Variants in OSBPL6 observed in about 807,000 individuals in gnomAD.
OSBPL6 encodes oxysterol binding protein like 6.
Under a neutral mutation model 125.8 loss-of-function variants are expected in OSBPL6, and 49 were observed. That is an observed-to-expected ratio of 0.39 (90% CI 0.31 to 0.49). The LOEUF (loss-of-function observed/expected upper bound fraction) is 0.49. OSBPL6 is among the 20% of genes least tolerant of loss of function. OSBPL6 has a pLI of 0.88. For missense variants in OSBPL6, 986 were observed against 1,135.4 expected (o/e 0.87, Z 1.89); for synonymous variants, 394 against 391.8 (o/e 1.01, Z -0.07).
rs750469168 is a variant in OSBPL6 at position 178,320,404 on chromosome 2, T to C, written c.103-3773T>C. On this transcript the variant is annotated intron_variant, in intron 3 of 24. Transcript: ENST00000190611. ...CTGATCAGGGGAAACAGAGGGCGGGTAAGTACTTCCACCTTCTCTGTGTGT... is the reference window on the plus strand; with the variant it reads ...CTGATCAGGGGAAACAGAGGGCGGGCAAGTACTTCCACCTTCTCTGTGTGT... 5 of 1,612,968 alleles carry C rather than the reference T, an allele frequency of 3.1e-6. No homozygotes were observed. The South Asian group carries it at 3.3e-5, about 11-fold the overall frequency.
At chr2:178,379,647 A>G (rs1322138669) in intron 15 of OSBPL6, among the ~76,000 whole-genome samples, 2 of 152,144 alleles carry the variant, frequency 1.3e-5, no homozygotes, top group Non-Finnish European at 2.9e-5. Flanking sequence ...ATTGTGTATG[A>G]TTAGATTTTT....
At chr2:178,383,425 G>A in intron 17 of OSBPL6, 148 bp downstream of exon 17, 2 of 1,259,220 alleles carry the variant, frequency 1.6e-6, no homozygotes, top group African/African-American at 3.0e-5. Flanking sequence ...CATAAATCCG[G>A]CAAGGCCAAA....
intron 2 of OSBPL6, among the ~76,000 whole-genome samples, chr2:178,294,626 C>T (rs192138242): frequency 1.5e-4 from 23 of 151,832 alleles, no homozygotes; most frequent in Non-Finnish European, 1.2e-4. Flanking sequence ...TTTAGTATAG[C>T]TGTTCCTCAA....
At chr2:178,341,766 G>A (rs956971534) in intron 11 of OSBPL6, among the ~76,000 whole-genome samples, 5 of 152,102 alleles carry the variant, frequency 3.3e-5, no homozygotes, top group Admixed American at 6.6e-5. Flanking sequence ...TAAAACAAAA[G>A]GTATTTTAAG....
intron 3 of OSBPL6, 43 bp downstream of exon 3, chr2:178,306,329 T>C: frequency 8.5e-7 from 1 of 1,171,630 alleles, no homozygotes; most frequent in East Asian, 2.3e-5. Flanking sequence ...TTTATGCAAA[T>C]GCAATACCAC....
rs575188414 is a variant in OSBPL6 at position 178,243,008 on chromosome 2, C to A, written c.-350-41919C>A. Among the ~76,000 whole-genome samples the A allele has an allele frequency of 2.9e-3, 438 of 151,776 alleles. 2 individuals are homozygous for A. The highest frequency in any genetic ancestry group is 0.014 in the Middle Eastern group (4 of 288). ...AAATTATATATTTCATATAGTAGCA[C>A]ATTTTTATAAATATATCATTTATAA... On this transcript the variant is annotated intron_variant, in intron 1 of 24. Coordinates refer to ENST00000190611, the MANE Select transcript of OSBPL6 (RefSeq NM_032523.4).
intron 3 of OSBPL6, among the ~76,000 whole-genome samples, chr2:178,310,497 A>C (rs1029661624): frequency 7.2e-6 from 1 of 138,956 alleles, no homozygotes; most frequent in Admixed American, 8.2e-5. Context: ...GGCTCACTGC[A>C]AGCTCTGCCT....
chr2:178,206,645 C>G (rs1346356816), intron 1 of OSBPL6, among the ~76,000 whole-genome samples: 1 of 152,038 alleles, frequency 6.6e-6, no homozygotes, highest in Non-Finnish European at 1.5e-5. Context: ...GATGGAGTCT[C>G]GCTCTGTTGC....
intron 1 of OSBPL6, among the ~76,000 whole-genome samples, chr2:178,215,777 C>G (rs2090069035): frequency 6.6e-6 from 1 of 152,012 alleles, no homozygotes; most frequent in East Asian, 1.9e-4. Context: ...AGAGTTTTGT[C>G]AACTGAGGAG....
At chr2:178,364,286 G>T (rs899577539) in intron 13 of OSBPL6, among the ~76,000 whole-genome samples, 3 of 152,210 alleles carry the variant, frequency 2.0e-5, no homozygotes, top group Admixed American at 1.3e-4. Context: ...AATTTTAACT[G>T]GTAAATGATA....
In OSBPL6 at chr2:178,398,596, C is replaced by A. The variant is rs1441614305; in HGVS notation, c.*3037C>A. ...CATGGATTATTTTTAAAATACCTAC[C>A]CCATAATTTTCAGGCAATTGTAAAA... On this transcript the variant is annotated 3_prime_UTR_variant, in exon 25 of 25. Transcript: ENST00000190611. 1 of 151,922 alleles carries A rather than the reference C, an allele frequency of 6.6e-6. No homozygotes were observed. Among genetic ancestry groups the A allele is most frequent in the Non-Finnish European group, 1.5e-5 (1 of 67,996 alleles). 9.4% of individuals were successfully genotyped at this position (151,922 alleles called of 1,614,324 possible).
At chr2:178,195,317 A>G (rs1327794171) in intron 1 of OSBPL6, among the ~76,000 whole-genome samples, 1 of 152,210 alleles carries the variant, frequency 6.6e-6, no homozygotes, top group Non-Finnish European at 1.5e-5. Context: ...GGCCAGGGCC[A>G]AGTCTGCCTT....
chr2:178,289,296 G>GT (rs939480243), intron 2 of OSBPL6, among the ~76,000 whole-genome samples: 13 of 152,112 alleles, frequency 8.5e-5, no homozygotes, highest in African/African-American at 2.9e-4. Context: ...GATTACAGGC[G>GT]TGAGCTACTG....
In OSBPL6 at chr2:178,388,989, A is replaced by C. The variant is rs368947663; in HGVS notation, c.2157-20A>C. On this transcript the variant is annotated intron_variant, in intron 20 of 24. Coordinates refer to ENST00000190611, the MANE Select transcript of OSBPL6 (RefSeq NM_032523.4). ...TTTGTGACCTTGGTTGTTTTTCATC[A>C]GTGTTACATTCTTCACTAGGTATGG... 2 of 1,607,088 alleles carry C rather than the reference A, an allele frequency of 1.2e-6. No homozygotes were observed. Among genetic ancestry groups the C allele is most frequent in the South Asian group, 1.1e-5 (1 of 89,610 alleles).
chr2:178,207,303 TTCC>T (rs2153947915), intron 1 of OSBPL6, among the ~76,000 whole-genome samples: 1 of 152,336 alleles, frequency 6.6e-6, no homozygotes, highest in East Asian at 1.9e-4. Context: ...TACATCCCTT[TTCC>T]TCTGTGTGTG....
chr2:178,348,568 G>C (rs1452184702), intron 11 of OSBPL6, among the ~76,000 whole-genome samples: 1 of 152,148 alleles, frequency 6.6e-6, no homozygotes, highest in East Asian at 1.9e-4. Flanking sequence ...CTGCTTCTCA[G>C]TATTGGCTGG....
At chr2:178,197,063 C>T (rs2088943973) in intron 1 of OSBPL6, among the ~76,000 whole-genome samples, 1 of 146,792 alleles carries the variant, frequency 6.8e-6, no homozygotes, top group Admixed American at 6.8e-5. Flanking sequence ...TGCAGTGTTG[C>T]TCTGATTATT....
At chr2:178,202,501 G>C (rs1311673100) in intron 1 of OSBPL6, among the ~76,000 whole-genome samples, 2 of 152,110 alleles carry the variant, frequency 1.3e-5, no homozygotes, top group Admixed American at 1.3e-4. Context: ...TGTACATACT[G>C]TATCTTTTTT....
chr2:178,207,125 G>A (rs867663044), intron 1 of OSBPL6, among the ~76,000 whole-genome samples: 4 of 152,136 alleles, frequency 2.6e-5, no homozygotes, highest in Admixed American at 1.3e-4. Context: ...TTGTGTGGGT[G>A]CACCTGTGAG....
Sources: gnomAD v4.1 joint callset for allele counts (sites outside exome capture counted in the v4.1 genomes callset) on GRCh38, gnomAD v4.1.1 for gene constraint, MANE v1.5 for transcripts, NCBI Gene and HGNC (gene_info 2026-07-23, HGNC 2026-07-21) for gene names.